The following KIF5A variants were observed in gnomAD, a reference collection of about 807,000 sequenced individuals.
The protein encoded by KIF5A is kinesin family member 5A, also known as kinesin heavy chain isoform 5A.
A neutral mutation model predicts 141.3 loss-of-function variants in KIF5A; 35 were observed. That is an observed-to-expected ratio of 0.25 (90% CI 0.19 to 0.33). The LOEUF (loss-of-function observed/expected upper bound fraction) is 0.33. Among genes scored for constraint, KIF5A ranks in the 10% least tolerant of loss-of-function variants. The pLI, the probability that KIF5A is intolerant of heterozygous loss-of-function variation, is 1.00. For synonymous variants in KIF5A, 448 were observed against 500.2 expected (o/e 0.90, Z 1.39); for missense variants, 861 against 1,314.3 (o/e 0.66, Z 5.33).
chr12:57,567,641 G>T, intron 8 of KIF5A, 23 bp downstream of exon 8: 1 of 1,606,602 alleles, frequency 6.2e-7, no homozygotes. Flanking sequence ...GTGGATATGG[G>T]GTGGGTGGAA....
intron 1 of KIF5A, among the ~76,000 whole-genome samples, chr12:57,557,681 T>C (rs1025098300): frequency 6.6e-6 from 1 of 152,050 alleles, no homozygotes; most frequent in African/African-American, 2.4e-5. Context: ...TAAATATTTT[T>C]ACATAACTTT....
chr12:57,567,747 G>A (rs1223815172), intron 8 of KIF5A, 129 bp downstream of exon 8: 11 of 954,496 alleles, frequency 1.2e-5, no homozygotes, highest in South Asian at 1.7e-5. Context: ...TGCAACCTCC[G>A]CCTCCTGGGT....
At chr12:57,561,442 T>TTC (rs1393957493) in intron 1 of KIF5A, among the ~76,000 whole-genome samples, 59 of 152,182 alleles carry the variant, frequency 3.9e-4, no homozygotes, top group African/African-American at 1.4e-3. Flanking sequence ...TCCAGAAAGG[T>TTC]TCTATCAGTT....
chr12:57,553,771 C>T lies in KIF5A; in HGVS notation c.129+3371C>T, dbSNP rs532015181. Among the ~76,000 whole-genome samples, 6 of 152,108 alleles carry T rather than the reference C, an allele frequency of 3.9e-5. 1 individual carries two copies. Among genetic ancestry groups the T allele is most frequent in the Middle Eastern group, 6.8e-3 (2 of 292 alleles). On this transcript the variant is annotated intron_variant, in intron 1 of 28. Transcript: ENST00000455537. ...TGGAAGAGGAGACACCAGGGAGGCT[C>T]GGAGTGTGATTAAATTAAAAGAGAA...
rs922575635 is a variant in KIF5A, at chr12:57,550,998, G to T, written c.129+598G>T. Among the ~76,000 whole-genome samples, 2 of 152,084 alleles carry T rather than the reference G, an allele frequency of 1.3e-5. No homozygotes were observed. Among genetic ancestry groups the T allele is most frequent in the African/African-American group, 2.4e-5 (1 of 41,404 alleles). Reference sequence around the variant, plus strand: ...ATCATTGATGCCACACCCAATCTTGGGGGGAGCCTCTGGAATCCTAAGGTC... The same window carrying T: ...ATCATTGATGCCACACCCAATCTTGTGGGGAGCCTCTGGAATCCTAAGGTC... On this transcript the variant is annotated intron_variant, in intron 1 of 28. Transcript: ENST00000455537. This position sits in a 1 kb window ranked among gnomAD's most constrained non-coding sequence, Gnocchi z 4.6.
chr12:57,557,455 T>C (rs1881780289), intron 1 of KIF5A, among the ~76,000 whole-genome samples: 3 of 152,024 alleles, frequency 2.0e-5, no homozygotes, highest in Admixed American at 1.3e-4. Flanking sequence ...GTTAACAAAG[T>C]TCAAGACAAA....
intron 6 of KIF5A, 118 bp downstream of exon 6, chr12:57,565,091 G>A: frequency 1.1e-6 from 1 of 889,448 alleles, no homozygotes; most frequent in Admixed American, 1.9e-5. Flanking sequence ...AATGAGATGT[G>A]CCTAGGGGCC....
intron 21 of KIF5A, 93 bp from the exon 22 acceptor site, chr12:57,577,916 A>T: frequency 8.0e-7 from 1 of 1,250,456 alleles, no homozygotes; most frequent in Non-Finnish European, 1.2e-6. Context: ...TAAGTGACTC[A>T]CTTGATTATA....
At chr12:57,575,877 A>G (rs1461251210) in intron 17 of KIF5A, 120 bp downstream of exon 17, 1 of 919,794 alleles carries the variant, frequency 1.1e-6, no homozygotes, top group Non-Finnish European at 1.8e-6. Context: ...ATGCCAACTC[A>G]TATGTTAGCC....
intron 16 of KIF5A, 151 bp downstream of exon 16, chr12:57,575,423 G>A: frequency 1.0e-6 from 1 of 993,504 alleles, no homozygotes; most frequent in Non-Finnish European, 1.5e-6. Flanking sequence ...CAGGGGTGCA[G>A]ATCAGGGCCA....
Position 57,550,198 on chromosome 12 carries a change from G to A in KIF5A, c.-74G>A, listed in dbSNP as rs2140150006. Reference sequence around the variant, plus strand: ...CCTGTCCTCCGCCTCGGCCTCTGCTGAGAGCCCTCTCCTCTGGAGCACACA... The same window carrying A: ...CCTGTCCTCCGCCTCGGCCTCTGCTAAGAGCCCTCTCCTCTGGAGCACACA... On this transcript the variant is annotated 5_prime_UTR_variant, in exon 1 of 29. Coordinates refer to ENST00000455537, the MANE Select transcript of KIF5A (RefSeq NM_004984.4). The surrounding 1 kb of genome is among the most constrained non-coding windows in gnomAD (Gnocchi z 4.6). 1.9e-6 allele frequency: 3 copies of A among 1,603,634 alleles called. No individual in the cohort carries two copies. In the South Asian group the frequency reaches 3.3e-5, roughly 18 times the overall value.
Position 57,572,071 on chromosome 12 carries a change from C to T in KIF5A, c.1373C>T (p.Ser458Phe), listed in dbSNP as rs1445439522. The change falls in exon 14 of 29, where the codon TCC (serine) becomes TTC (phenylalanine). Residue 458 changes from serine (S) to phenylalanine (F), a missense_variant. Transcript: ENST00000455537. The surrounding 1 kb of genome is among the most constrained non-coding windows in gnomAD (Gnocchi z 4.2). ...QMLDQEELLV[S>F]TRGDNEKVQR... Reference sequence around the variant, plus strand: ...TCCTCTCCCTTGAAGCTGCTGGTGTCCACCCGAGGAGACAACGAGAAGGTC... The same window carrying T: ...TCCTCTCCCTTGAAGCTGCTGGTGTTCACCCGAGGAGACAACGAGAAGGTC... 8 of 1,613,040 alleles carry T rather than the reference C, an allele frequency of 5.0e-6. No homozygotes were observed. Among genetic ancestry groups the T allele is most frequent in the African/African-American group, 1.3e-5 (1 of 74,890 alleles).
chr12:57,569,921 G>A (rs1882193044), intron 11 of KIF5A, 66 bp from the exon 12 acceptor site: 1 of 1,560,634 alleles, frequency 6.4e-7, no homozygotes, highest in Non-Finnish European at 8.7e-7. Context: ...TGGTGAGTGA[G>A]AAGGAAGAAC....
intron 12 of KIF5A, 126 bp from the exon 13 acceptor site, chr12:57,571,195 G>T (rs1594918581): frequency 1.4e-6 from 1 of 716,280 alleles, no homozygotes; most frequent in South Asian, 1.5e-5. Context: ...AGGATATGGG[G>T]TTTCTAACTC....
chr12:57,555,927 AAAAG>A (rs1314605225), intron 1 of KIF5A, among the ~76,000 whole-genome samples: 13 of 151,106 alleles, frequency 8.6e-5, no homozygotes, highest in Admixed American at 4.6e-4. Context: ...AAAAAAAAGA[AAAAG>A]AAAGAAAGAA....
chr12:57,557,574 T>C (rs969108379), intron 1 of KIF5A, among the ~76,000 whole-genome samples: 1 of 151,690 alleles, frequency 6.6e-6, no homozygotes. Flanking sequence ...TCTACATATA[T>C]ACATATGTTA....
rs1426985145 is a variant in KIF5A at position 57,577,012 on chromosome 12, C to G, written c.2300+150C>G. Reference sequence around the variant, plus strand: ...TGGGGTAGGGACGGGACCAAAAGGACACTCTCAGCAAAGACTGCCGTTGAG... The same window carrying G: ...TGGGGTAGGGACGGGACCAAAAGGAGACTCTCAGCAAAGACTGCCGTTGAG... On this transcript the variant is annotated intron_variant, in intron 20 of 28. Coordinates refer to ENST00000455537, the MANE Select transcript of KIF5A (RefSeq NM_004984.4). 6 of 656,982 alleles carry G rather than the reference C, an allele frequency of 9.1e-6. No homozygotes were observed. The Admixed American group carries it at 1.3e-4, about 14-fold the overall frequency. 40.7% of individuals were successfully genotyped at this position (656,982 alleles called of 1,614,324 possible).
intron 1 of KIF5A, among the ~76,000 whole-genome samples, chr12:57,557,348 G>C (rs1487659455): frequency 6.6e-6 from 1 of 151,804 alleles, no homozygotes; most frequent in Admixed American, 6.6e-5. Flanking sequence ...CATTGAGGTA[G>C]ATTACAATTT....
At chr12:57,554,590 C>A (rs1265433557) in intron 1 of KIF5A, among the ~76,000 whole-genome samples, 1 of 152,164 alleles carries the variant, frequency 6.6e-6, no homozygotes, top group African/African-American at 2.4e-5. Flanking sequence ...CTGTCATAGT[C>A]CTCTATATGT....
Sources: gnomAD v4.1 joint callset for allele counts (sites outside exome capture counted in the v4.1 genomes callset) on GRCh38, gnomAD v4.1.1 for gene constraint, Gnocchi (gnomAD v3.1) non-coding constraint, MANE v1.5 for transcripts, NCBI Gene and HGNC (gene_info 2026-07-23, HGNC 2026-07-21) for gene names.